FRAS1: variants seen among roughly 807,000 people sequenced by gnomAD.
FRAS1 encodes extracellular matrix organizing protein FRAS1.
In FRAS1, 290 loss-of-function variants were observed where a neutral mutation model predicts 435.2. The observed-to-expected ratio is 0.67, with a 90% CI of 0.61 to 0.73. FRAS1 has a LOEUF of 0.73. FRAS1 is among the 30% of genes least tolerant of loss of function. The pLI is 0.00. For missense variants in FRAS1, 4,860 were observed against 5,001.5 expected, an observed-to-expected ratio of 0.97 and a Z score of 0.85; for synonymous variants, 1,800 against 1,851.0, an observed-to-expected ratio of 0.97 and a Z score of 0.71.
At chr4:78,317,658 GT>G (rs1191477706) in intron 17 of FRAS1, 150 bp downstream of exon 17, 5 of 734,374 alleles carry the variant, frequency 6.8e-6, no homozygotes, top group Non-Finnish European at 1.0e-5. Context: ...CATTACAGTA[GT>G]TTTGCAAAGG....
intron 18 of FRAS1, among the ~76,000 whole-genome samples, chr4:78,331,478 T>C (rs989268244): frequency 6.6e-6 from 1 of 152,182 alleles, no homozygotes; most frequent in African/African-American, 2.4e-5. Context: ...TGCATGGAAG[T>C]AGTTCAATAC....
intron 2 of FRAS1, among the ~76,000 whole-genome samples, chr4:78,115,107 T>C (rs751596095): frequency 1.4e-4 from 21 of 151,886 alleles, no homozygotes; most frequent in East Asian, 3.9e-4. Context: ...TTGTCTTTGG[T>C]TCTGTTTATA....
intron 2 of FRAS1, among the ~76,000 whole-genome samples, chr4:78,153,860 A>G (rs1440456187): frequency 6.6e-6 from 1 of 152,080 alleles, no homozygotes; most frequent in Non-Finnish European, 1.5e-5. Flanking sequence ...TCTTTATAAC[A>G]TTGATTTTAG....
At position 78,255,328 on chromosome 4, in the gene FRAS1, G is replaced by A; in HGVS notation, c.556G>A (p.Val186Ile). The A allele has an allele frequency of 6.3e-7, 1 of 1,580,560 alleles. No individual in the cohort carries two copies. Among genetic ancestry groups the A allele is most frequent in the African/African-American group, 1.3e-5 (1 of 74,450 alleles). ...TGCCAAATGTCTGTGTAGAAATGGGGTTGCCCAGTGCTTCACAGCTCAGTG... is the reference window on the plus strand; with the variant it reads ...TGCCAAATGTCTGTGTAGAAATGGGATTGCCCAGTGCTTCACAGCTCAGTG... The part of the protein sequence containing the change: ...RCAKCLCRNG[V>I]AQCFTAQCQP... Residue 186 changes from valine to isoleucine, a missense_variant, in exon 6 of 74, where the codon GTT becomes ATT. Val to Ile is a conservative substitution (Grantham distance 29). Transcript: ENST00000512123.
At chr4:78,416,091 G>T (rs1222485403) in intron 32 of FRAS1, among the ~76,000 whole-genome samples, 5 of 152,180 alleles carry the variant, frequency 3.3e-5, no homozygotes, top group Non-Finnish European at 7.3e-5. Context: ...CACAGAGAGA[G>T]AGGAATATTA....
At chr4:78,362,710 T>A (rs1288416503) in intron 20 of FRAS1, among the ~76,000 whole-genome samples, 4 of 152,142 alleles carry the variant, frequency 2.6e-5, no homozygotes, top group Admixed American at 2.0e-4. Context: ...AATTGAATGA[T>A]GGTGAAAGTG....
At chr4:78,065,021 C>T (rs542415117) in intron 1 of FRAS1, among the ~76,000 whole-genome samples, 3 of 140,566 alleles carry the variant, frequency 2.1e-5, no homozygotes, top group Admixed American at 7.3e-5. Context: ...GGGAATGTGT[C>T]TATATTTTTT....
intron 21 of FRAS1, 87 bp downstream of exon 21, chr4:78,363,752 G>C (rs1376947507): frequency 4.8e-6 from 7 of 1,468,002 alleles, no homozygotes; most frequent in Non-Finnish European, 4.6e-6. Context: ...TTTCCTAAGA[G>C]AGAGTGGAGG....
intron 2 of FRAS1, among the ~76,000 whole-genome samples, chr4:78,162,901 C>T (rs977928881): frequency 1.2e-3 from 181 of 152,328 alleles, no homozygotes; most frequent in Non-Finnish European, 5.4e-4. Context: ...TTATCTAAGA[C>T]AGGAAAGTTC....
At chr4:78,532,623 C>T (rs7340809) in intron 70 of FRAS1, among the ~76,000 whole-genome samples, 135,359 of 152,136 alleles carry the variant, frequency 0.89, 62,274 homozygotes, top group East Asian at 1. Context: ...TCCCCCTCCT[C>T]GTCGCTCCTG....
intron 2 of FRAS1, among the ~76,000 whole-genome samples, chr4:78,168,713 C>G (rs1721436057): frequency 6.6e-6 from 1 of 151,696 alleles, no homozygotes; most frequent in Non-Finnish European, 1.5e-5. Context: ...AATTTTTTTC[C>G]CTATAGAGAA....
intron 11 of FRAS1, among the ~76,000 whole-genome samples, chr4:78,282,355 A>T (rs1219799546): frequency 6.6e-6 from 1 of 152,188 alleles, no homozygotes; most frequent in Non-Finnish European, 1.5e-5. Flanking sequence ...GAATACAATG[A>T]CTCAACTGTT....
chr4:78,193,554 T>A (rs1393664460), intron 2 of FRAS1, among the ~76,000 whole-genome samples: 1 of 152,184 alleles, frequency 6.6e-6, no homozygotes, highest in Non-Finnish European at 1.5e-5. Flanking sequence ...TTGATCTTTC[T>A]TGGTTTAAAG....
intron 70 of FRAS1, among the ~76,000 whole-genome samples, chr4:78,529,538 T>C (rs1721648445): frequency 6.6e-6 from 1 of 152,162 alleles, no homozygotes; most frequent in African/African-American, 2.4e-5. Flanking sequence ...TGTTTTGGTT[T>C]ATGGTTATAC....
At chr4:78,065,179 T>C (rs1739969265) in intron 1 of FRAS1, among the ~76,000 whole-genome samples, 1 of 147,010 alleles carries the variant, frequency 6.8e-6, no homozygotes, top group Non-Finnish European at 1.5e-5. Flanking sequence ...TATGTATATA[T>C]ATGTGTATAT....
At position 78,541,390 on chromosome 4, in the gene FRAS1, A is replaced by C. The variant is rs555723661; in HGVS notation, c.*266A>C. The C allele has an allele frequency of 3.4e-6, 1 of 296,010 alleles. No homozygotes were observed. The highest frequency in any genetic ancestry group is 1.6e-4 in the South Asian group (1 of 6,188). The allele number at this position is 296,010 out of a possible 1,614,324, so 18.3% of individuals were successfully genotyped here. Reference sequence around the variant, plus strand: ...CTCCTTCTGTAAGGCTGGTCTTAGAAAACAAGTACTTTAGTATCAGGACAG... The same window carrying C: ...CTCCTTCTGTAAGGCTGGTCTTAGACAACAAGTACTTTAGTATCAGGACAG... On this transcript the variant is annotated 3_prime_UTR_variant, in exon 74 of 74. Transcript: ENST00000512123.
chr4:78,126,344 C>T (rs1719357322), intron 2 of FRAS1, among the ~76,000 whole-genome samples: 1 of 152,192 alleles, frequency 6.6e-6, no homozygotes, highest in Non-Finnish European at 1.5e-5. Flanking sequence ...ATCCCCTGAC[C>T]CCTTGCAGTT....
intron 2 of FRAS1, among the ~76,000 whole-genome samples, chr4:78,229,342 G>C (rs571111878): frequency 2.7e-5 from 4 of 148,874 alleles, no homozygotes; most frequent in African/African-American, 9.9e-5. Context: ...ACAAAACTTA[G>C]AGGACTAAGC....
intron 47 of FRAS1, among the ~76,000 whole-genome samples, chr4:78,455,448 G>A (rs1403033546): frequency 6.6e-6 from 1 of 151,714 alleles, no homozygotes; most frequent in Non-Finnish European, 1.5e-5. Context: ...TTTCCAAGAA[G>A]AGCAGAGCAA....
Sources: gnomAD v4.1 joint callset for allele counts (sites outside exome capture counted in the v4.1 genomes callset) on GRCh38, gnomAD v4.1.1 for gene constraint, MANE v1.5 for transcripts, NCBI Gene and HGNC (gene_info 2026-07-23, HGNC 2026-07-21) for gene names.